The following ANO3 variants were observed in gnomAD, a reference collection of about 807,000 sequenced individuals.
ANO3 encodes anoctamin-3.
A neutral mutation model predicts 144.8 loss-of-function variants in ANO3; 99 were observed. The observed-to-expected ratio is 0.68, with a 90% CI of 0.58 to 0.81. The LOEUF (loss-of-function observed/expected upper bound fraction) is 0.81, where lower values mean the gene tolerates loss of function less well. ANO3 is among the 30% of genes least tolerant of loss of function. ANO3 has a pLI of 0.00. For missense variants in ANO3, 905 were observed against 1,202.2 expected, an observed-to-expected ratio of 0.75 and a Z score of 3.66; for synonymous variants, 414 against 392.6, an observed-to-expected ratio of 1.05 and a Z score of -0.64.
intron 1 of ANO3, among the ~76,000 whole-genome samples, chr11:26,282,867 AT>A (rs1243258317): frequency 6.6e-6 from 1 of 152,170 alleles, no homozygotes; most frequent in Non-Finnish European, 1.5e-5. Context: ...GTCAATGGCC[AT>A]AAAACCCACA....
At chr11:26,497,005 G>GAC (rs1217389093) in intron 4 of ANO3, among the ~76,000 whole-genome samples, 1 of 78,442 alleles carries the variant, frequency 1.3e-5, no homozygotes, top group Non-Finnish European at 2.5e-5. Context: ...TACACACACA[G>GAC]ACACACACAC....
chr11:26,189,304 T>G (rs949839983), exon 1 of ANO3: 1 of 985,266 alleles, frequency 1.0e-6, no homozygotes, highest in Admixed American at 6.2e-5. Flanking sequence ...CAACTGGAAC[T>G]TCAGCACTCC....
At chr11:26,230,277 T>C (rs1852362922) in intron 1 of ANO3, among the ~76,000 whole-genome samples, 1 of 151,990 alleles carries the variant, frequency 6.6e-6, no homozygotes, top group African/African-American at 2.4e-5. Flanking sequence ...AGGAACAATA[T>C]GAAGGACTAG....
chr11:26,620,688 T>C (rs1852389118), intron 17 of ANO3, among the ~76,000 whole-genome samples: 1 of 152,164 alleles, frequency 6.6e-6, no homozygotes, highest in South Asian at 2.1e-4. Flanking sequence ...CCCTTGTTGA[T>C]CCATTCCCAT....
At chr11:26,321,605 T>G (rs973732186) in intron 1 of ANO3, among the ~76,000 whole-genome samples, 32 of 152,050 alleles carry the variant, frequency 2.1e-4, no homozygotes, top group African/African-American at 7.7e-4. Flanking sequence ...TCAAATGTCT[T>G]CCTACACTCA....
At chr11:26,206,053 T>A (rs1851789946) in intron 1 of ANO3, among the ~76,000 whole-genome samples, 1 of 152,202 alleles carries the variant, frequency 6.6e-6, no homozygotes, top group South Asian at 2.1e-4. Flanking sequence ...TATTTCTGGT[T>A]GCAGTAAAGA....
At position 26,565,708 on chromosome 11, in the gene ANO3, T is replaced by G; in HGVS notation, c.1447+5929T>G. 6.2e-7 allele frequency: 1 copy of G among 1,613,020 alleles called. No individual in the cohort carries two copies. Among genetic ancestry groups the G allele is most frequent in the Admixed American group, 1.7e-5 (1 of 59,812 alleles). ...TTATCTGAGTTTAAGTTTGCTTCAC[T>G]TTCCAAAGAAATAGGTTTATTTTCC... On this transcript the variant is annotated intron_variant, in intron 14 of 26. Transcript: ENST00000256737.
chr11:26,299,228 G>A (rs900535675), intron 1 of ANO3, among the ~76,000 whole-genome samples: 1 of 152,148 alleles, frequency 6.6e-6, no homozygotes, highest in African/African-American at 2.4e-5. Context: ...AGACACTGTG[G>A]TATTCTGAAA....
intron 1 of ANO3, among the ~76,000 whole-genome samples, chr11:26,289,543 A>T (rs1192568030): frequency 2.2e-5 from 3 of 137,422 alleles, no homozygotes; most frequent in South Asian, 2.2e-4. Context: ...GAATATATAT[A>T]TTCTATATGT....
chr11:26,198,761 C>T (rs1046146279), intron 1 of ANO3, among the ~76,000 whole-genome samples: 2 of 152,098 alleles, frequency 1.3e-5, no homozygotes, highest in African/African-American at 2.4e-5. Flanking sequence ...ATAGTTTATG[C>T]CCCATATTTA....
intron 23 of ANO3, among the ~76,000 whole-genome samples, chr11:26,643,621 G>T (rs1269964096): frequency 2.0e-5 from 3 of 152,234 alleles, no homozygotes; most frequent in African/African-American, 4.8e-5. Flanking sequence ...CGGGCATGGT[G>T]GTGGGTGCCT....
At chr11:26,389,439 A>T (rs1339660774) in intron 1 of ANO3, among the ~76,000 whole-genome samples, 2 of 152,062 alleles carry the variant, frequency 1.3e-5, no homozygotes, top group Non-Finnish European at 2.9e-5. Context: ...AATGAATGAA[A>T]GAATGAATAA....
chr11:26,204,027 A>G (rs1851748456), intron 1 of ANO3, among the ~76,000 whole-genome samples: 1 of 152,136 alleles, frequency 6.6e-6, no homozygotes, highest in African/African-American at 2.4e-5. Context: ...AAGGTGTCAT[A>G]TGACTAGTAC....
chr11:26,548,056 A>G (rs187391019), intron 12 of ANO3, among the ~76,000 whole-genome samples: 49 of 152,120 alleles, frequency 3.2e-4, no homozygotes, highest in Middle Eastern at 6.8e-3. Flanking sequence ...ATTATACCAC[A>G]TAAGTCCTGC....
intron 4 of ANO3, among the ~76,000 whole-genome samples, chr11:26,468,125 A>G (rs1356293833): frequency 6.6e-6 from 1 of 151,916 alleles, no homozygotes; most frequent in East Asian, 1.9e-4. Flanking sequence ...TGAGGCCTCT[A>G]GATGTGGTCA....
At chr11:26,518,662 G>A (rs118107371) in intron 6 of ANO3, among the ~76,000 whole-genome samples, 17,322 of 151,566 alleles carry the variant, frequency 0.11, 1,371 homozygotes, top group Non-Finnish European at 0.16. Context: ...TGTTATTAGC[G>A]GATATAAGCA....
chr11:26,485,835 A>G (rs890926138), intron 4 of ANO3, among the ~76,000 whole-genome samples: 1 of 152,166 alleles, frequency 6.6e-6, no homozygotes, highest in Non-Finnish European at 1.5e-5. Context: ...AAAAGCAACA[A>G]AAGCAAAAAT....
chr11:26,302,768 A>G (rs954544994), intron 1 of ANO3, among the ~76,000 whole-genome samples: 3 of 152,326 alleles, frequency 2.0e-5, no homozygotes, highest in Non-Finnish European at 4.4e-5. Flanking sequence ...TTGTATGGAC[A>G]TATATATGTG....
intron 1 of ANO3, among the ~76,000 whole-genome samples, chr11:26,244,116 GAA>G (rs755726181): frequency 3.2e-5 from 3 of 94,656 alleles, no homozygotes; most frequent in Non-Finnish European, 4.3e-5. Context: ...GACTCTGTCT[GAA>G]AAAAAAAAAA....
Sources: allele counts gnomAD v4.1 joint callset (sites outside exome capture counted in the v4.1 genomes callset), GRCh38; gene constraint gnomAD v4.1.1; transcripts MANE v1.5; gene names NCBI Gene and HGNC (gene_info 2026-07-23, HGNC 2026-07-21).